Variants in PTK2 observed in about 807,000 individuals in gnomAD.
The protein encoded by PTK2 is focal adhesion kinase 1.
Under a neutral mutation model 150.1 loss-of-function variants are expected in PTK2, and 45 were observed. The ratio of observed to expected loss-of-function variants is 0.30; its 90% CI spans 0.24 to 0.38. The LOEUF (loss-of-function observed/expected upper bound fraction) is 0.38, where lower values mean the gene tolerates loss of function less well. Among genes scored for constraint, PTK2 ranks in the 10% least tolerant of loss-of-function variants. The pLI is 1.00. For missense variants in PTK2, 919 were observed against 1,307.3 expected, an observed-to-expected ratio of 0.70 and a Z score of 4.58; for synonymous variants, 432 against 449.2, an observed-to-expected ratio of 0.96 and a Z score of 0.48.
chr8:140,742,972 A>C (rs140986680), intron 20 of PTK2, among the ~76,000 whole-genome samples: 1 of 152,282 alleles, frequency 6.6e-6, no homozygotes, highest in Non-Finnish European at 1.5e-5. Flanking sequence ...TTTTTCTAAA[A>C]ATTTATTATT....
intron 1 of PTK2, among the ~76,000 whole-genome samples, chr8:141,000,262 T>A (rs866951282): frequency 6.6e-6 from 1 of 152,102 alleles, no homozygotes; most frequent in East Asian, 1.9e-4. Flanking sequence ...GGAAGCACAA[T>A]GACTCCAGTG....
At chr8:140,770,956 ATTGAC>A in intron 14 of PTK2, 157 bp from the exon 15 acceptor site, 2 of 216,092 alleles carry the variant, frequency 9.3e-6, no homozygotes, top group South Asian at 7.3e-5. Context: ...TCTTACTATG[ATTGAC>A]TTGAGTTTTA....
intron 1 of PTK2, among the ~76,000 whole-genome samples, chr8:140,950,684 T>C (rs2154609089): frequency 6.6e-6 from 1 of 152,308 alleles, no homozygotes; most frequent in South Asian, 2.1e-4. Context: ...TTCTGGCTGG[T>C]GAAGCGGCAT....
At chr8:140,982,064 T>TAAAA (rs142919207) in intron 1 of PTK2, among the ~76,000 whole-genome samples, 1 of 112,346 alleles carries the variant, frequency 8.9e-6, no homozygotes, top group African/African-American at 3.0e-5. Context: ...ACCAACTCAA[T>TAAAA]AAAAAAAAAA....
intron 29 of PTK2, chr8:140,672,013 C>T (rs1282087558): frequency 1.4e-5 from 5 of 345,822 alleles, no homozygotes; most frequent in South Asian, 4.4e-5. Context: ...GCTTCATACC[C>T]TATCCTAATT....
intron 1 of PTK2, among the ~76,000 whole-genome samples, chr8:140,997,716 A>G (rs558620711): frequency 2.0e-5 from 3 of 152,342 alleles, no homozygotes; most frequent in South Asian, 4.1e-4. Context: ...AGGTGGGAGG[A>G]TCACTTGAGC....
chr8:140,759,157 A>G (rs1452987527), intron 16 of PTK2, among the ~76,000 whole-genome samples: 1 of 152,218 alleles, frequency 6.6e-6, no homozygotes, highest in Non-Finnish European at 1.5e-5. Flanking sequence ...ACGGCACATG[A>G]TTGTACTATT....
chr8:140,860,047 T>C (rs571597461), intron 5 of PTK2, among the ~76,000 whole-genome samples: 47 of 152,328 alleles, frequency 3.1e-4, no homozygotes, highest in African/African-American at 1.1e-3. Flanking sequence ...TGCATTTTTT[T>C]CCCACATAAA....
At chr8:140,746,677 A>G in intron 18 of PTK2, 83 bp downstream of exon 21, 1 of 1,039,330 alleles carries the variant, frequency 9.6e-7, no homozygotes, top group South Asian at 1.5e-5. Context: ...AAAATCCAAG[A>G]TATAAACTGT....
At chr8:140,906,324 A>C (rs1218885204) in intron 2 of PTK2, among the ~76,000 whole-genome samples, 4 of 152,230 alleles carry the variant, frequency 2.6e-5, no homozygotes, top group African/African-American at 9.6e-5. Flanking sequence ...TATATGATCC[A>C]GCAATCCCAA....
At chr8:140,831,333 G>A (rs981777333) in intron 7 of PTK2, among the ~76,000 whole-genome samples, 45 of 152,256 alleles carry the variant, frequency 3.0e-4, no homozygotes, top group African/African-American at 1.0e-3. Flanking sequence ...ATTAAGGAAC[G>A]TCAGGAAACA....
chr8:140,920,820 C>G, intron 2 of PTK2: 1 of 1,517,054 alleles, frequency 6.6e-7, no homozygotes, highest in Non-Finnish European at 8.8e-7. Flanking sequence ...ATACCTTTAG[C>G]CCAACACACT....
At chr8:140,995,083 C>CAAAAA (rs35987927) in intron 1 of PTK2, among the ~76,000 whole-genome samples, 3 of 122,316 alleles carry the variant, frequency 2.5e-5, no homozygotes, top group African/African-American at 9.5e-5. Flanking sequence ...AACTCTGTCT[C>CAAAAA]AAAAAAAAAA....
At chr8:140,921,956 C>T (rs1411638332) in intron 2 of PTK2, among the ~76,000 whole-genome samples, 8 of 152,150 alleles carry the variant, frequency 5.3e-5, no homozygotes, top group Non-Finnish European at 1.2e-4. Context: ...TGCCTTTGTT[C>T]TCCGAATGTA....
chr8:140,695,397 C>T (rs892590365), intron 26 of PTK2, among the ~76,000 whole-genome samples: 5 of 151,626 alleles, frequency 3.3e-5, no homozygotes, highest in African/African-American at 7.3e-5. Context: ...CAGCAAGCAA[C>T]GCTAAGGTGG....
chr8:140,766,042 G>A (rs946063009), intron 14 of PTK2, among the ~76,000 whole-genome samples: 10 of 152,170 alleles, frequency 6.6e-5, no homozygotes, highest in African/African-American at 1.4e-4. Context: ...GCCTTTAGGA[G>A]TAAAGCACAT....
chr8:140,809,778 C>T (rs1324503116), intron 10 of PTK2, among the ~76,000 whole-genome samples: 1 of 152,164 alleles, frequency 6.6e-6, no homozygotes, highest in Non-Finnish European at 1.5e-5. Flanking sequence ...TGAATTCCAG[C>T]CTGGGTGACA....
intron 1 of PTK2, among the ~76,000 whole-genome samples, chr8:140,945,597 A>AC (rs939582038): frequency 3.3e-5 from 5 of 151,894 alleles, no homozygotes; most frequent in Admixed American, 1.3e-4. Flanking sequence ...TTTCTCAAAA[A>AC]AAAACAAAAC....
chr8:140,735,166 A>T, intron 22 of PTK2, 85 bp downstream of exon 25: 1 of 1,298,484 alleles, frequency 7.7e-7, no homozygotes, highest in Non-Finnish European at 1.1e-6. Context: ...TACTGATATA[A>T]TGACCTTAAA....
Sources: gnomAD v4.1 joint callset for allele counts (sites outside exome capture counted in the v4.1 genomes callset) on GRCh38, gnomAD v4.1.1 for gene constraint, MANE v1.5 for transcripts, NCBI Gene and HGNC (gene_info 2026-07-23, HGNC 2026-07-21) for gene names.